SLC24A2: variants seen among roughly 807,000 people sequenced by gnomAD.
The protein encoded by SLC24A2 is sodium/potassium/calcium exchanger 2.
A neutral mutation model predicts 62.0 loss-of-function variants in SLC24A2; 36 were observed. The ratio of observed to expected loss-of-function variants is 0.58; its 90% CI spans 0.44 to 0.77. The LOEUF (loss-of-function observed/expected upper bound fraction) is 0.77, where lower values mean the gene tolerates loss of function less well. Among genes scored for constraint, SLC24A2 ranks in the 30% least tolerant of loss-of-function variants. SLC24A2 has a pLI of 0.00. For synonymous variants in SLC24A2, 358 were observed against 294.0 expected (o/e 1.22, Z -2.23); for missense variants, 846 against 817.9 (o/e 1.03, Z -0.42).
At chr9:19,535,863 T>A (rs1006608808) in intron 8 of SLC24A2, among the ~76,000 whole-genome samples, 1 of 152,134 alleles carries the variant, frequency 6.6e-6, no homozygotes, top group Non-Finnish European at 1.5e-5. Context: ...AAAGCAGTTT[T>A]TCCAATTCTG....
At chr9:20,007,847 T>C in the SLC24A2 span, among the ~76,000 whole-genome samples, 2 of 139,736 alleles carry the variant, frequency 1.4e-5, no homozygotes, top group African/African-American at 5.2e-5. Context: ...TGAGGGCAAG[T>C]GGGCTTCTCT....
the SLC24A2 span, among the ~76,000 whole-genome samples, chr9:19,843,174 T>C: frequency 6.6e-6 from 1 of 152,128 alleles, no homozygotes; most frequent in Non-Finnish European, 1.5e-5. Context: ...AGAGTGTCCT[T>C]TGTCTTGAAA....
chr9:20,093,921 T>A, the SLC24A2 span, among the ~76,000 whole-genome samples: 130 of 152,308 alleles, frequency 8.5e-4, 1 homozygote, highest in African/African-American at 2.5e-3. Flanking sequence ...ATGTAGCCCA[T>A]AAATATATAC....
At position 19,510,628 on chromosome 9, in the gene SLC24A2, G is replaced by C. The variant is rs1832682017; in HGVS notation, c.*5525C>G. Reference sequence around the variant, plus strand: ...GATAGGCTAGACAAACCCTCTTAATGGAATTAAATCTTTGGTGGAAGCCTA... The same window carrying C: ...GATAGGCTAGACAAACCCTCTTAATCGAATTAAATCTTTGGTGGAAGCCTA... On this transcript the variant is annotated 3_prime_UTR_variant, in exon 11 of 11. Coordinates refer to ENST00000341998, the MANE Select transcript of SLC24A2 (RefSeq NM_020344.4). The C allele has an allele frequency of 6.6e-6, 1 of 152,066 alleles. No individual in the cohort carries two copies. Among genetic ancestry groups the C allele is most frequent in the Non-Finnish European group, 1.5e-5 (1 of 68,004 alleles). 9.4% of individuals were successfully genotyped at this position (152,066 alleles called of 1,614,324 possible).
At chr9:19,833,723 G>C in the SLC24A2 span, among the ~76,000 whole-genome samples, 2 of 152,248 alleles carry the variant, frequency 1.3e-5, no homozygotes, top group Non-Finnish European at 1.5e-5. Context: ...GCTTTGAAGA[G>C]AGTAGTGGTT....
the SLC24A2 span, among the ~76,000 whole-genome samples, chr9:20,099,794 C>G: frequency 2.0e-5 from 3 of 152,022 alleles, no homozygotes; most frequent in Admixed American, 6.5e-5. Flanking sequence ...TAGAAAATAG[C>G]TGCAATACAT....
intron 2 of SLC24A2, among the ~76,000 whole-genome samples, chr9:19,769,340 C>T (rs1175363720): frequency 1.3e-5 from 2 of 152,230 alleles, no homozygotes; most frequent in South Asian, 2.1e-4. Context: ...CTGGGCCAGG[C>T]CACCACTGTT....
the SLC24A2 span, among the ~76,000 whole-genome samples, chr9:20,041,189 C>T: frequency 8.9e-6 from 1 of 112,980 alleles, no homozygotes; most frequent in South Asian, 3.4e-4. Flanking sequence ...CAGAAGCATG[C>T]ATGAGAAAAA....
intron 2 of SLC24A2, among the ~76,000 whole-genome samples, chr9:19,703,098 A>C (rs1028115560): frequency 6.6e-6 from 1 of 152,120 alleles, no homozygotes; most frequent in African/African-American, 2.4e-5. Flanking sequence ...TGTGTACTAG[A>C]GAGAAAGAGA....
At chr9:20,189,305 C>T in the SLC24A2 span, among the ~76,000 whole-genome samples, 1 of 152,084 alleles carries the variant, frequency 6.6e-6, no homozygotes, top group Non-Finnish European at 1.5e-5. Context: ...CAGAGAACAA[C>T]AATGAAGTTG....
the SLC24A2 span, among the ~76,000 whole-genome samples, chr9:20,243,042 C>G: frequency 3.3e-5 from 5 of 152,168 alleles, no homozygotes; most frequent in Non-Finnish European, 7.3e-5. Context: ...TATTTCTCAG[C>G]TGGTGGAATT....
chr9:20,238,279 A>G, the SLC24A2 span, among the ~76,000 whole-genome samples: 1 of 152,206 alleles, frequency 6.6e-6, no homozygotes, highest in Non-Finnish European at 1.5e-5. Flanking sequence ...AATGGGCCAC[A>G]GAGAGGTGCA....
chr9:19,750,107 G>A (rs1360514540), intron 2 of SLC24A2, among the ~76,000 whole-genome samples: 1 of 152,118 alleles, frequency 6.6e-6, no homozygotes, highest in Non-Finnish European at 1.5e-5. Flanking sequence ...AGTGTCAGAA[G>A]GTGGTTCAAA....
At chr9:19,621,818 T>C (rs959110824) in intron 3 of SLC24A2, among the ~76,000 whole-genome samples, 3 of 152,194 alleles carry the variant, frequency 2.0e-5, no homozygotes, top group Non-Finnish European at 4.4e-5. Context: ...TATATATACA[T>C]TAAGTATATA....
chr9:20,265,916 G>A, the SLC24A2 span, among the ~76,000 whole-genome samples: 1,473 of 152,250 alleles, frequency 9.7e-3, 32 homozygotes, highest in African/African-American at 0.032. Flanking sequence ...TGGTCGATCT[G>A]TAGGGATGAA....
At chr9:20,213,114 A>G in the SLC24A2 span, among the ~76,000 whole-genome samples, 1 of 151,734 alleles carries the variant, frequency 6.6e-6, no homozygotes, top group Non-Finnish European at 1.5e-5. Flanking sequence ...AGTGCAGCAA[A>G]TCACCATGGC....
intron 8 of SLC24A2, among the ~76,000 whole-genome samples, chr9:19,531,854 AT>A (rs1361172872): frequency 1.3e-5 from 2 of 152,204 alleles, no homozygotes; most frequent in Non-Finnish European, 2.9e-5. Flanking sequence ...AATGGGAGAA[AT>A]AACATCTAGT....
At chr9:20,021,607 C>CCTGT in the SLC24A2 span, among the ~76,000 whole-genome samples, 2 of 151,936 alleles carry the variant, frequency 1.3e-5, no homozygotes, top group African/African-American at 2.4e-5. Flanking sequence ...GTACCAAAGA[C>CCTGT]GTTTTCAAGC....
At chr9:19,688,388 G>C (rs556830172) in intron 2 of SLC24A2, among the ~76,000 whole-genome samples, 1 of 152,052 alleles carries the variant, frequency 6.6e-6, no homozygotes, top group Non-Finnish European at 1.5e-5. Context: ...AAATGGTGCC[G>C]ATAGAAAGCT....
Sources: allele counts gnomAD v4.1 joint callset (sites outside exome capture counted in the v4.1 genomes callset), GRCh38; gene constraint gnomAD v4.1.1; transcripts MANE v1.5; gene names NCBI Gene and HGNC (gene_info 2026-07-23, HGNC 2026-07-21).